Variants in LHFPL3 observed in about 807,000 individuals in gnomAD.
LHFPL3 encodes the protein LHFPL tetraspan subfamily member 3 protein.
A neutral mutation model predicts 19.3 loss-of-function variants in LHFPL3; 5 were observed. The ratio of observed to expected loss-of-function variants is 0.26; its 90% CI spans 0.14 to 0.54. LHFPL3 has a LOEUF of 0.54. LHFPL3 is among the 20% of genes least tolerant of loss of function. The pLI is 0.94. For synonymous variants in LHFPL3, 133 were observed against 126.2 expected (o/e 1.05, Z -0.36); for missense variants, 249 against 307.4 (o/e 0.81, Z 1.42).
At chr7:104,380,720 A>T (rs1242784719) in intron 1 of LHFPL3, among the ~76,000 whole-genome samples, 2 of 152,220 alleles carry the variant, frequency 1.3e-5, no homozygotes, top group African/African-American at 4.8e-5. Context: ...GTGACTAATG[A>T]ATTCTAAAGC....
chr7:104,884,523 G>A (rs1034104298), intron 2 of LHFPL3, among the ~76,000 whole-genome samples: 2 of 152,072 alleles, frequency 1.3e-5, no homozygotes, highest in Non-Finnish European at 2.9e-5. Flanking sequence ...TTTTACACGT[G>A]ATAAAGCTTG....
At chr7:104,424,899 G>C (rs957510669) in intron 1 of LHFPL3, among the ~76,000 whole-genome samples, 1 of 150,232 alleles carries the variant, frequency 6.7e-6, no homozygotes, top group South Asian at 2.1e-4. Context: ...GGAGAATGGC[G>C]TGAACCCGGG....
At chr7:104,899,459 T>C (rs1000730780) in intron 2 of LHFPL3, among the ~76,000 whole-genome samples, 2 of 151,708 alleles carry the variant, frequency 1.3e-5, no homozygotes, top group Non-Finnish European at 2.9e-5. Context: ...GGGACAGACC[T>C]CGCTGAGAGA....
chr7:104,427,336 C>T (rs1791867256), intron 1 of LHFPL3, among the ~76,000 whole-genome samples: 1 of 152,154 alleles, frequency 6.6e-6, no homozygotes, highest in Non-Finnish European at 1.5e-5. Context: ...AATGATAACT[C>T]CACCTATACT....
At chr7:104,774,968 C>T (rs4530975) in intron 2 of LHFPL3, among the ~76,000 whole-genome samples, 32,494 of 152,170 alleles carry the variant, frequency 0.21, 3,803 homozygotes, top group Non-Finnish European at 0.27. Context: ...GTTACAGTTA[C>T]AGCAAATCGC....
At chr7:104,358,597 G>A (rs924052720) in intron 1 of LHFPL3, among the ~76,000 whole-genome samples, 1 of 152,184 alleles carries the variant, frequency 6.6e-6, no homozygotes, top group Non-Finnish European at 1.5e-5. Context: ...CAACTTGAAA[G>A]TGTATTGAGC....
At position 104,779,183 on chromosome 7, in the gene LHFPL3, G is replaced by A. The variant is rs78516871; in HGVS notation, c.682+42272G>A. ...GCCTTAGTTTCTTTATCTATTGAAC[G>A]GGATTAATAATAGTACTCACCTCAT... On this transcript the variant is annotated intron_variant, in intron 2 of 2. Transcript: ENST00000424859. Among the ~76,000 whole-genome samples the A allele has an allele frequency of 2.0e-3, 309 of 152,188 alleles. 9 individuals are homozygous for A. The East Asian group carries it at 0.055, about 27-fold the overall frequency.
chr7:104,400,528 C>T (rs911682885), intron 1 of LHFPL3, among the ~76,000 whole-genome samples: 8 of 152,184 alleles, frequency 5.3e-5, no homozygotes, highest in Admixed American at 2.0e-4. Flanking sequence ...ATGTAGACCA[C>T]ACTGAGGTTC....
intron 1 of LHFPL3, among the ~76,000 whole-genome samples, chr7:104,367,634 G>A (rs909888943): frequency 6.6e-6 from 1 of 152,132 alleles, no homozygotes; most frequent in Admixed American, 6.5e-5. Flanking sequence ...ATCAGCATAG[G>A]GGGTATATTT....
intron 1 of LHFPL3, among the ~76,000 whole-genome samples, chr7:104,351,640 A>C (rs757966817): frequency 4.4e-4 from 67 of 152,218 alleles, no homozygotes; most frequent in Admixed American, 3.5e-3. Context: ...TAGCCTTATA[A>C]GTTTCATTTT....
At position 104,470,823 on chromosome 7, in the gene LHFPL3, T is replaced by C. The variant is rs28595700; in HGVS notation, c.445+141599T>C. Among the ~76,000 whole-genome samples the C allele has an allele frequency of 6.8e-3, 1,038 of 152,316 alleles. 10 individuals are homozygous for C. The highest frequency in any genetic ancestry group is 0.024 in the African/African-American group (983 of 41,562). On this transcript the variant is annotated intron_variant, in intron 1 of 2. Coordinates refer to ENST00000424859, the MANE Select transcript of LHFPL3 (RefSeq NM_199000.3). ...TTCTCTTCGCAATAGGTCCTCTGGCTTTTCCATCTCTTCCCTTTCATTCCA... is the reference window on the plus strand; with the variant it reads ...TTCTCTTCGCAATAGGTCCTCTGGCCTTTCCATCTCTTCCCTTTCATTCCA...
intron 1 of LHFPL3, among the ~76,000 whole-genome samples, chr7:104,684,445 T>C (rs1033712769): frequency 2.0e-5 from 3 of 152,248 alleles, no homozygotes; most frequent in Non-Finnish European, 2.9e-5. Flanking sequence ...CCATAGATAA[T>C]GCATACACAA....
At position 104,560,783 on chromosome 7, in the gene LHFPL3, A is replaced by G. The variant is rs576620345; in HGVS notation, c.446-175892A>G. On this transcript the variant is annotated intron_variant, in intron 1 of 2. Transcript: ENST00000424859. Reference sequence around the variant, plus strand: ...TTTTAATTGTGATGTTAGGGTGTCAATTTTGGATCTTTCCTGCTTTCTCTT... The same window carrying G: ...TTTTAATTGTGATGTTAGGGTGTCAGTTTTGGATCTTTCCTGCTTTCTCTT... 1.4e-3 allele frequency among the ~76,000 whole-genome samples: 207 copies of G among 146,090 alleles called. 1 individual carries two copies. Among genetic ancestry groups the G allele is most frequent in the African/African-American group, 5.3e-3 (201 of 38,236 alleles).
rs561975535 is a variant in LHFPL3 at position 104,408,864 on chromosome 7, CTTT to C, written c.445+79656_445+79658del. Among the ~76,000 whole-genome samples the C allele has an allele frequency of 8.3e-4, 87 of 105,438 alleles. 2 individuals are homozygous for C. Among genetic ancestry groups the C allele is most frequent in the African/African-American group, 2.6e-3 (69 of 26,706 alleles). 69.2% of individuals were successfully genotyped at this position (105,438 alleles called of 152,430 possible). A position where few individuals can be genotyped will look rare whatever the true frequency, so the allele number is the denominator to read the frequency against. On this transcript the variant is annotated intron_variant, in intron 1 of 2. Coordinates refer to ENST00000424859, the MANE Select transcript of LHFPL3 (RefSeq NM_199000.3). ...AGGCACTAGTGTTGTAATTTTCTTT[CTTT>C]TTTTTTTTTTTTTTTGAGACGGAGT...
chr7:104,774,800 G>T (rs1323963340), intron 2 of LHFPL3, among the ~76,000 whole-genome samples: 1 of 152,156 alleles, frequency 6.6e-6, no homozygotes. Flanking sequence ...GAGAATCTCT[G>T]TTTGTAGTAT....
At chr7:104,378,006 T>A (rs887815967) in intron 1 of LHFPL3, among the ~76,000 whole-genome samples, 2 of 152,152 alleles carry the variant, frequency 1.3e-5, no homozygotes, top group African/African-American at 4.8e-5. Context: ...TATTCTTTTT[T>A]AAAAAACAAA....
intron 2 of LHFPL3, among the ~76,000 whole-genome samples, chr7:104,880,824 C>T (rs902179338): frequency 6.6e-6 from 1 of 152,150 alleles, no homozygotes; most frequent in Non-Finnish European, 1.5e-5. Context: ...GTCCATTCTG[C>T]AGCCCATGGA....
intron 1 of LHFPL3, among the ~76,000 whole-genome samples, chr7:104,663,101 A>C (rs1003405689): frequency 3.3e-5 from 5 of 152,234 alleles, no homozygotes; most frequent in Non-Finnish European, 7.3e-5. Flanking sequence ...AAAATAAAAC[A>C]TTATAACCTT....
intron 1 of LHFPL3, among the ~76,000 whole-genome samples, chr7:104,362,576 A>G (rs555611344): frequency 2.0e-4 from 30 of 152,314 alleles, no homozygotes; most frequent in Non-Finnish European, 3.1e-4. Context: ...TGTTTCCTCA[A>G]TGCTATGTAA....
Sources: gnomAD v4.1 joint callset for allele counts (sites outside exome capture counted in the v4.1 genomes callset) on GRCh38, gnomAD v4.1.1 for gene constraint, MANE v1.5 for transcripts, NCBI Gene and HGNC (gene_info 2026-07-23, HGNC 2026-07-21) for gene names.